Variants in FER1L6 observed in about 807,000 individuals in gnomAD.
The protein encoded by FER1L6 is fer-1 like family member 6.
FER1L6 carries 177 observed loss-of-function variants against 219.2 expected under a neutral mutation model. The ratio of observed to expected loss-of-function variants is 0.81; its 90% CI spans 0.71 to 0.91. FER1L6 has a LOEUF of 0.91. FER1L6 is among the 40% of genes least tolerant of loss of function. The pLI is 0.00. For missense variants in FER1L6, 2,153 were observed against 2,259.9 expected (o/e 0.95, Z 0.96); for synonymous variants, 768 against 824.3 (o/e 0.93, Z 1.17).
At chr8:123,963,008 C>T (rs546421312) in intron 2 of FER1L6, among the ~76,000 whole-genome samples, 24 of 152,298 alleles carry the variant, frequency 1.6e-4, no homozygotes, top group African/African-American at 5.8e-4. Context: ...TTAGTTTACA[C>T]TTTAGATTCA....
chr8:124,012,195 T>C (rs1254344906), intron 14 of FER1L6, among the ~76,000 whole-genome samples: 2 of 152,228 alleles, frequency 1.3e-5, no homozygotes, highest in African/African-American at 4.8e-5. Context: ...TCTGTCCCAT[T>C]TGCTTTATAA....
chr8:123,957,984 A>T (rs1815094669), intron 2 of FER1L6, among the ~76,000 whole-genome samples: 1 of 152,054 alleles, frequency 6.6e-6, no homozygotes, highest in South Asian at 2.1e-4. Flanking sequence ...ATGTTTGGAA[A>T]CTTTCTAAGT....
At chr8:123,952,182 C>G (rs1240244466) in intron 1 of FER1L6, among the ~76,000 whole-genome samples, 4 of 152,178 alleles carry the variant, frequency 2.6e-5, no homozygotes, top group Non-Finnish European at 5.9e-5. Flanking sequence ...ATGGCCACTT[C>G]CTGAACAAGA....
intron 16 of FER1L6, among the ~76,000 whole-genome samples, chr8:124,019,684 T>C (rs1418253808): frequency 6.6e-6 from 1 of 152,248 alleles, no homozygotes; most frequent in Non-Finnish European, 1.5e-5. Flanking sequence ...CCAGGAGCTC[T>C]GTTAGACACT....
intron 39 of FER1L6, among the ~76,000 whole-genome samples, chr8:124,115,167 T>C (rs1823191748): frequency 6.6e-6 from 1 of 151,114 alleles, no homozygotes; most frequent in Non-Finnish European, 1.5e-5. Flanking sequence ...GAGCTTTTTT[T>C]ATTGTCTCCC....
intron 39 of FER1L6, 105 bp from the exon 40 acceptor site, chr8:124,118,739 A>G (rs1823352871): frequency 2.0e-6 from 2 of 990,158 alleles, no homozygotes; most frequent in Non-Finnish European, 3.0e-6. Context: ...CGGGATAATC[A>G]AAATACTTTC....
At position 123,970,098 on chromosome 8, in the gene FER1L6, G is replaced by C. The variant is rs755495488; in HGVS notation, c.447+1G>C. Reference sequence around the variant, plus strand: ...TTTTGACAAGATCATCAAAATCTCCGTAAGTATAGCATTGGTGGTAATAGT... The same window carrying C: ...TTTTGACAAGATCATCAAAATCTCCCTAAGTATAGCATTGGTGGTAATAGT... On this transcript the variant is annotated splice_donor_variant, in intron 6 of 40. Coordinates refer to ENST00000522917, the MANE Select transcript of FER1L6 (RefSeq NM_001039112.2). LOFTEE classifies it high-confidence loss of function. The C allele has an allele frequency of 1.9e-6, 3 of 1,613,408 alleles. No homozygotes were observed. The highest frequency in any genetic ancestry group is 1.7e-6 in the Non-Finnish European group (2 of 1,179,548).
At chr8:123,981,191 AT>A (rs920403141) in intron 11 of FER1L6, among the ~76,000 whole-genome samples, 18 of 152,152 alleles carry the variant, frequency 1.2e-4, no homozygotes, top group Non-Finnish European at 2.4e-4. Flanking sequence ...ATAATTTTGG[AT>A]GAGGAATGAA....
At chr8:124,032,606 T>A (rs1391614791) in intron 18 of FER1L6, among the ~76,000 whole-genome samples, 4 of 151,882 alleles carry the variant, frequency 2.6e-5, no homozygotes, top group Non-Finnish European at 4.4e-5. Context: ...CCGGGCATGG[T>A]GGTGCCTGCT....
rs1586456204 is a variant in FER1L6 at position 123,909,769 on chromosome 8, GGGGATGATGTAGCTGTCCTTGTCAA to G, written c.-7-46222_-7-46198del. 1.8e-3 allele frequency among the ~76,000 whole-genome samples: 15 copies of G among 8,288 alleles called. No individual in the cohort carries two copies. In the East Asian group the frequency reaches 0.021, roughly 12 times the overall value. 5.4% of individuals were successfully genotyped at this position (8,288 alleles called of 152,430 possible). ...CAATGATAGCTGTCCTTGTCAACTA[GGGGATGATGTAGCTGTCCTTGTCAA>G]CTAGGGGATGATGTAGCAATCAAAT... On this transcript the variant is annotated intron_variant, in intron 1 of 40. Transcript: ENST00000522917.
chr8:123,924,398 C>T (rs1203674617), intron 1 of FER1L6, among the ~76,000 whole-genome samples: 4 of 150,970 alleles, frequency 2.6e-5, no homozygotes, highest in Non-Finnish European at 5.9e-5. Context: ...AAAAATTAGC[C>T]GGGCATGGCG....
chr8:123,871,304 C>A (rs762534396), intron 1 of FER1L6, among the ~76,000 whole-genome samples: 3 of 152,120 alleles, frequency 2.0e-5, no homozygotes, highest in Non-Finnish European at 4.4e-5. Context: ...AACAAACACA[C>A]CTGGCACTCA....
At chr8:124,056,531 C>T (rs1354130169) in intron 22 of FER1L6, among the ~76,000 whole-genome samples, 2 of 152,230 alleles carry the variant, frequency 1.3e-5, no homozygotes, top group East Asian at 1.9e-4. Flanking sequence ...GAGATATTCT[C>T]TGATGCTTGG....
At chr8:123,998,002 T>C (rs1056365045) in intron 12 of FER1L6, among the ~76,000 whole-genome samples, 1 of 152,230 alleles carries the variant, frequency 6.6e-6, no homozygotes, top group African/African-American at 2.4e-5. Context: ...CTGGAATTGG[T>C]CACTAGTGCT....
chr8:123,978,169 G>A (rs1816176912), intron 10 of FER1L6, among the ~76,000 whole-genome samples: 3 of 152,174 alleles, frequency 2.0e-5, no homozygotes, highest in Admixed American at 1.3e-4. Flanking sequence ...GTGTCCTTGA[G>A]GAAGTCAGTC....
chr8:123,990,584 G>C (rs1405996571), intron 12 of FER1L6, among the ~76,000 whole-genome samples: 2 of 152,000 alleles, frequency 1.3e-5, no homozygotes, highest in Non-Finnish European at 2.9e-5. Context: ...CTGTTTTCTT[G>C]CTGATTTGTT....
chr8:123,954,969 C>G (rs1178454117), intron 1 of FER1L6, among the ~76,000 whole-genome samples: 1 of 152,202 alleles, frequency 6.6e-6, no homozygotes, highest in Non-Finnish European at 1.5e-5. Flanking sequence ...GGACTTTCCT[C>G]CAGCCCAGTT....
intron 22 of FER1L6, among the ~76,000 whole-genome samples, chr8:124,054,133 G>A (rs544574820): frequency 2.0e-5 from 3 of 152,068 alleles, no homozygotes; most frequent in Non-Finnish European, 2.9e-5. Flanking sequence ...TCATCTGAAC[G>A]TTACATTGGC....
intron 2 of FER1L6, among the ~76,000 whole-genome samples, chr8:123,962,258 A>G (rs1815322496): frequency 6.6e-6 from 1 of 152,162 alleles, no homozygotes; most frequent in Admixed American, 6.5e-5. Context: ...CTGTAGTTAT[A>G]GCTTGTAGAA....
Sources: allele counts gnomAD v4.1 joint callset (sites outside exome capture counted in the v4.1 genomes callset), GRCh38; gene constraint gnomAD v4.1.1; transcripts MANE v1.5; gene names NCBI Gene and HGNC (gene_info 2026-07-23, HGNC 2026-07-21).